The following GALNT17 variants were observed in gnomAD, a reference collection of about 807,000 sequenced individuals.
The protein encoded by GALNT17 is polypeptide N-acetylgalactosaminyltransferase 17, also known as UDP-GalNAc:polypeptide N-acetylgalactosaminyltransferase-like 3.
A neutral mutation model predicts 63.7 loss-of-function variants in GALNT17; 29 were observed. That is an observed-to-expected ratio of 0.46 (90% CI 0.34 to 0.62). The LOEUF is 0.62. Ranked by LOEUF, GALNT17 falls within the 20% of genes least tolerant of loss-of-function variation. The pLI is 0.01. For synonymous variants in GALNT17, 305 were observed against 318.3 expected (o/e 0.96, Z 0.45); for missense variants, 603 against 799.6 (o/e 0.75, Z 2.97).
chr7:71,301,159 C>G (rs967010541), intron 1 of GALNT17, among the ~76,000 whole-genome samples: 1 of 150,468 alleles, frequency 6.6e-6, no homozygotes, highest in Non-Finnish European at 1.5e-5. Context: ...GTGATGGTGC[C>G]GCCTGTAGTC....
Position 71,407,855 on chromosome 7 carries a change from G to GTAT in GALNT17, c.590-8031_590-8029dup, listed in dbSNP as rs770986928. ...ACGACTCCATTTTCATGAACCATGT[G>GTAT]TATTAGGCAAATTTATAGGGGCAGA... On this transcript the variant is annotated intron_variant, in intron 3 of 10. Coordinates refer to ENST00000333538, the MANE Select transcript of GALNT17 (RefSeq NM_022479.3). 5.1e-4 allele frequency among the ~76,000 whole-genome samples: 78 copies of GTAT among 152,258 alleles called. 3 individuals are homozygous for GTAT. The highest frequency in any genetic ancestry group is 6.8e-3 in the Middle Eastern group (2 of 294).
intron 10 of GALNT17, among the ~76,000 whole-genome samples, chr7:71,711,714 C>T (rs1791795574): frequency 6.7e-6 from 1 of 148,592 alleles, no homozygotes; most frequent in Non-Finnish European, 1.5e-5. Context: ...TCTTCTCTCT[C>T]TTCCCTCTTT....
At chr7:71,358,211 G>C (rs1411174928) in intron 2 of GALNT17, among the ~76,000 whole-genome samples, 4 of 152,088 alleles carry the variant, frequency 2.6e-5, no homozygotes, top group African/African-American at 9.7e-5. Flanking sequence ...AACCAACTGC[G>C]GACACAAAAC....
chr7:71,392,525 T>C lies in GALNT17; in HGVS notation c.589+4124T>C, dbSNP rs1049270405. Among the ~76,000 whole-genome samples the C allele has an allele frequency of 2.0e-5, 3 of 152,144 alleles. No homozygotes were observed. The East Asian group carries it at 5.8e-4, about 29-fold the overall frequency. On this transcript the variant is annotated intron_variant, in intron 3 of 10. Transcript: ENST00000333538. ...CTGAAAATGTGCATTTCTTATAAGC[T>C]CCTATTTGATGCTTACGTAGCTTGT...
At chr7:71,316,158 G>A (rs73179780) in intron 1 of GALNT17, among the ~76,000 whole-genome samples, 2,369 of 131,436 alleles carry the variant, frequency 0.018, 28 homozygotes, top group Middle Eastern at 0.044. Context: ...AGCAAAGGGA[G>A]GAAGGCAGGA....
chr7:71,331,320 G>A (rs570007238), intron 1 of GALNT17, among the ~76,000 whole-genome samples: 4 of 152,170 alleles, frequency 2.6e-5, no homozygotes, highest in African/African-American at 7.2e-5. Context: ...GCCATCTCTC[G>A]CACAGGCTGC....
At chr7:71,470,436 C>T (rs1020339903) in intron 5 of GALNT17, among the ~76,000 whole-genome samples, 2 of 152,046 alleles carry the variant, frequency 1.3e-5, no homozygotes, top group East Asian at 1.9e-4. Context: ...TCCTTGGCTT[C>T]GGTCATGCCT....
intron 3 of GALNT17, among the ~76,000 whole-genome samples, chr7:71,404,488 C>A (rs1793292874): frequency 6.6e-6 from 1 of 152,136 alleles, no homozygotes; most frequent in Non-Finnish European, 1.5e-5. Context: ...TTGCTCCAGC[C>A]CATAGTCAGC....
At chr7:71,607,804 C>T (rs1268434193) in intron 6 of GALNT17, among the ~76,000 whole-genome samples, 2 of 152,206 alleles carry the variant, frequency 1.3e-5, no homozygotes, top group Non-Finnish European at 2.9e-5. Flanking sequence ...TCTCTTGGTA[C>T]TTTCTCAATA....
intron 5 of GALNT17, among the ~76,000 whole-genome samples, chr7:71,534,598 CAA>C (rs371592743): frequency 0.37 from 39,179 of 107,304 alleles, 5,737 homozygotes; most frequent in Admixed American, 0.46. Flanking sequence ...GACTCCATCT[CAA>C]AAAAAAAAAA....
At chr7:71,266,478 C>G (rs978416546) in intron 1 of GALNT17, among the ~76,000 whole-genome samples, 2 of 152,168 alleles carry the variant, frequency 1.3e-5, no homozygotes, top group Admixed American at 1.3e-4. Context: ...TCCCTTTCAT[C>G]TTTCCCCATG....
intron 5 of GALNT17, among the ~76,000 whole-genome samples, chr7:71,460,970 T>C (rs923702780): frequency 1.3e-5 from 2 of 152,172 alleles, no homozygotes; most frequent in Non-Finnish European, 2.9e-5. Context: ...CAACCTCTTA[T>C]CTCATCCTGT....
chr7:71,467,069 A>G (rs180759529), intron 5 of GALNT17, among the ~76,000 whole-genome samples: 210 of 152,248 alleles, frequency 1.4e-3, no homozygotes, highest in African/African-American at 4.7e-3. Flanking sequence ...GATTTTCTTC[A>G]TGGCCTCTGA....
chr7:71,388,456 A>G, intron 3 of GALNT17, 55 bp downstream of exon 3: 1 of 1,571,030 alleles, frequency 6.4e-7, no homozygotes, highest in Non-Finnish European at 8.7e-7. Context: ...GGGAAATGCC[A>G]CTTTCATTCC....
At chr7:71,417,086 G>A (rs1269542334) in intron 4 of GALNT17, among the ~76,000 whole-genome samples, 1 of 152,136 alleles carries the variant, frequency 6.6e-6, no homozygotes, top group Non-Finnish European at 1.5e-5. Flanking sequence ...CCTGTACCCT[G>A]GGTTGCTTAA....
At chr7:71,628,612 C>T (rs1025136506) in intron 6 of GALNT17, among the ~76,000 whole-genome samples, 1 of 152,158 alleles carries the variant, frequency 6.6e-6, no homozygotes, top group Admixed American at 6.5e-5. Flanking sequence ...CCTGAGCCAC[C>T]ATGCCCAGCC....
Position 71,566,020 on chromosome 7 carries a change from TTTTG to T in GALNT17, c.963-5235_963-5232del, listed in dbSNP as rs60365258. ...TACTAGGCCTGGCTAATTTTGTGGGTTTTGTTTGTTTGTTTGTTTGTTTGTTTGT... is the reference window on the plus strand; with the variant it reads ...TACTAGGCCTGGCTAATTTTGTGGGTTTTGTTTGTTTGTTTGTTTGTTTGT... On this transcript the variant is annotated intron_variant, in intron 5 of 10. Transcript: ENST00000333538. Among the ~76,000 whole-genome samples, 1,096 of 150,200 alleles carry T rather than the reference TTTTG, an allele frequency of 7.3e-3. 12 individuals are homozygous for T. Among genetic ancestry groups the T allele is most frequent in the South Asian group, 0.038 (177 of 4,708 alleles).
intron 1 of GALNT17, among the ~76,000 whole-genome samples, chr7:71,208,514 G>A (rs1789316624): frequency 7.0e-6 from 1 of 143,086 alleles, no homozygotes. Flanking sequence ...GCAGTGGTGT[G>A]ATCATAGCTC....
intron 6 of GALNT17, among the ~76,000 whole-genome samples, chr7:71,648,639 G>A (rs1159978175): frequency 6.6e-6 from 1 of 151,974 alleles, no homozygotes; most frequent in African/African-American, 2.4e-5. Context: ...ATCTTGCTAT[G>A]TTGCCCAGGC....
Sources: gnomAD v4.1 joint callset for allele counts (sites outside exome capture counted in the v4.1 genomes callset) on GRCh38, gnomAD v4.1.1 for gene constraint, MANE v1.5 for transcripts, NCBI Gene and HGNC (gene_info 2026-07-23, HGNC 2026-07-21) for gene names.